Variants in DLGAP1 observed in about 807,000 individuals in gnomAD.
DLGAP1 encodes disks large-associated protein 1.
DLGAP1 carries 11 observed loss-of-function variants against 90.8 expected under a neutral mutation model. That is an observed-to-expected ratio of 0.12 (90% CI 0.08 to 0.20). The LOEUF (loss-of-function observed/expected upper bound fraction) is 0.20. Among genes scored for constraint, DLGAP1 ranks in the 10% least tolerant of loss-of-function variants. The pLI, the probability that DLGAP1 is intolerant of heterozygous loss-of-function variation, is 1.00. For synonymous variants in DLGAP1, 558 were observed against 540.7 expected, an observed-to-expected ratio of 1.03 and a Z score of -0.44; for missense variants, 1,050 against 1,333.8, an observed-to-expected ratio of 0.79 and a Z score of 3.31.
chr18:3,895,117 G>T (rs1038879097), intron 3 of DLGAP1, among the ~76,000 whole-genome samples: 5 of 152,144 alleles, frequency 3.3e-5, no homozygotes, highest in African/African-American at 1.2e-4. Context: ...TCGTGCAGGT[G>T]CTATTACTCT....
chr18:4,445,674 T>C (rs2083646982), intron 1 of DLGAP1, among the ~76,000 whole-genome samples: 2 of 152,008 alleles, frequency 1.3e-5, no homozygotes, highest in African/African-American at 4.8e-5. Flanking sequence ...CTCAAGCCTA[T>C]GAGACATGCA....
At chr18:4,451,723 A>G (rs2083837046) in intron 1 of DLGAP1, among the ~76,000 whole-genome samples, 1 of 152,208 alleles carries the variant, frequency 6.6e-6, no homozygotes, top group South Asian at 2.1e-4. Context: ...AGTAGCACTT[A>G]GGATCTTAGG....
In DLGAP1 at chr18:3,915,741, T is replaced by A. The variant is rs535338650; in HGVS notation, c.-72-35601A>T. Among the ~76,000 whole-genome samples, 27 of 152,342 alleles carry A rather than the reference T, an allele frequency of 1.8e-4. No individual in the cohort carries two copies. In the South Asian group the frequency reaches 5.6e-3, roughly 32 times the overall value. ...ACATTTGGATGCAAAATTTCAAGTTTTCCTTTTTGGGAGAATGTCATCTCT... is the reference window on the plus strand; with the variant it reads ...ACATTTGGATGCAAAATTTCAAGTTATCCTTTTTGGGAGAATGTCATCTCT... On this transcript the variant is annotated intron_variant, in intron 3 of 12. Coordinates refer to ENST00000315677, the MANE Select transcript of DLGAP1 (RefSeq NM_004746.4).
chr18:3,783,324 A>G (rs188990450), intron 5 of DLGAP1, among the ~76,000 whole-genome samples: 1 of 152,358 alleles, frequency 6.6e-6, no homozygotes, highest in East Asian at 1.9e-4. Flanking sequence ...GAATGAAAAC[A>G]TATGCCCACA....
At chr18:3,988,289 A>G (rs1280200190) in intron 3 of DLGAP1, among the ~76,000 whole-genome samples, 1 of 152,090 alleles carries the variant, frequency 6.6e-6, no homozygotes, top group African/African-American at 2.4e-5. Flanking sequence ...CAGCTATACA[A>G]TTGAAGTACC....
At chr18:3,506,405 C>T (rs1262504387) in intron 11 of DLGAP1, among the ~76,000 whole-genome samples, 5 of 148,136 alleles carry the variant, frequency 3.4e-5, no homozygotes, top group Non-Finnish European at 4.4e-5. Context: ...CCCAGCTACT[C>T]GGGAGGGTGA....
chr18:3,962,404 C>T (rs2073219044), intron 3 of DLGAP1: 1 of 152,180 alleles, frequency 6.6e-6, no homozygotes, highest in South Asian at 2.1e-4. Flanking sequence ...GATGAAACAT[C>T]TCATCCTACC....
At chr18:3,714,481 C>T (rs1376057012) in intron 7 of DLGAP1, among the ~76,000 whole-genome samples, 2 of 152,132 alleles carry the variant, frequency 1.3e-5, no homozygotes, top group Non-Finnish European at 2.9e-5. Flanking sequence ...CTGGATAACA[C>T]GTACAGTTCC....
intron 7 of DLGAP1, among the ~76,000 whole-genome samples, chr18:3,707,921 G>A (rs1311116749): frequency 2.0e-5 from 3 of 152,110 alleles, no homozygotes; most frequent in African/African-American, 7.2e-5. Context: ...TCTTGGCCAG[G>A]TCTGCAATCT....
At chr18:3,805,276 A>G (rs1463462603) in intron 5 of DLGAP1, among the ~76,000 whole-genome samples, 1 of 152,202 alleles carries the variant, frequency 6.6e-6, no homozygotes, top group African/African-American at 2.4e-5. Flanking sequence ...CTGTGCTTGT[A>G]AGGGAATAGC....
At chr18:4,328,180 C>T (rs2143691270) in intron 1 of DLGAP1, among the ~76,000 whole-genome samples, 1 of 152,066 alleles carries the variant, frequency 6.6e-6, no homozygotes, top group Non-Finnish European at 1.5e-5. Flanking sequence ...CTGAGAACTC[C>T]CAAGTATATG....
chr18:3,600,749 T>TATATATAG (rs1568277676), intron 7 of DLGAP1, among the ~76,000 whole-genome samples: 353 of 12,890 alleles, frequency 0.027, 91 homozygotes, highest in African/African-American at 0.1. Context: ...GATATATAGA[T>TATATATAG]ATATATAGAT....
chr18:3,879,895 C>T lies in DLGAP1; in HGVS notation c.174G>A (p.Val58=), dbSNP rs752471224. The change falls in exon 4 of 13, where the codon GTG becomes GTA. Residue 58 remains valine (V), a synonymous_variant. Transcript: ENST00000315677. This position sits in a 1 kb window ranked among gnomAD's most constrained non-coding sequence, Gnocchi z 6.6. ...TGGCCAGCGGGTCGCTGAAGGGGCC[C>T]ACGCACTCAGCCTGGAAGGAGTTCC... ...TQRNSFQAEC[V]GPFSDPLASS... is the part of the protein sequence containing the mutation. 3 of 1,611,982 alleles carry T rather than the reference C, an allele frequency of 1.9e-6. No individual in the cohort carries two copies. Among genetic ancestry groups the T allele is most frequent in the Non-Finnish European group, 2.5e-6 (3 of 1,179,718 alleles).
chr18:4,206,204 A>G (rs1266743422), intron 1 of DLGAP1, among the ~76,000 whole-genome samples: 1 of 152,148 alleles, frequency 6.6e-6, no homozygotes, highest in Admixed American at 6.5e-5. Flanking sequence ...TTAAGTGAAT[A>G]GGTCTCAAAA....
chr18:3,739,161 C>A (rs1598523640), intron 6 of DLGAP1, among the ~76,000 whole-genome samples: 1 of 131,314 alleles, frequency 7.6e-6, no homozygotes, highest in African/African-American at 3.0e-5. Flanking sequence ...AATAGGAACA[C>A]TTTTACACTG....
chr18:4,037,535 G>A (rs961994176), intron 2 of DLGAP1, among the ~76,000 whole-genome samples: 1 of 152,192 alleles, frequency 6.6e-6, no homozygotes, highest in African/African-American at 2.4e-5. Context: ...AAAGATGGGA[G>A]CCCTTCTCTT....
At chr18:3,757,318 A>G (rs532125059) in intron 5 of DLGAP1, among the ~76,000 whole-genome samples, 1 of 152,334 alleles carries the variant, frequency 6.6e-6, no homozygotes, top group Admixed American at 6.5e-5. Flanking sequence ...TTGAGTCAGG[A>G]GAATCGCTTG....
intron 7 of DLGAP1, among the ~76,000 whole-genome samples, chr18:3,622,084 C>T (rs1446315454): frequency 6.6e-6 from 1 of 151,892 alleles, no homozygotes; most frequent in African/African-American, 2.4e-5. Context: ...GTGTGTGTAC[C>T]CACTGACTCT....
At chr18:3,773,763 T>C (rs138810663) in intron 5 of DLGAP1, among the ~76,000 whole-genome samples, 19 of 152,346 alleles carry the variant, frequency 1.2e-4, no homozygotes, top group African/African-American at 4.6e-4. Context: ...TTTCACTGTG[T>C]TCTGGGAGCA....
Sources: gnomAD v4.1 joint callset for allele counts (sites outside exome capture counted in the v4.1 genomes callset) on GRCh38, gnomAD v4.1.1 for gene constraint, Gnocchi (gnomAD v3.1) non-coding constraint, MANE v1.5 for transcripts, NCBI Gene and HGNC (gene_info 2026-07-23, HGNC 2026-07-21) for gene names.